Variants in NEK11 observed in about 807,000 individuals in gnomAD.
NEK11 encodes NIMA related kinase 11.
NEK11 carries 72 observed loss-of-function variants against 80.7 expected under a neutral mutation model. That is an observed-to-expected ratio of 0.89 (90% confidence interval 0.74 to 1.08). The LOEUF (loss-of-function observed/expected upper bound fraction) is 1.08, where lower values mean the gene tolerates loss of function less well. NEK11 is among the 50% of genes least tolerant of loss of function. NEK11 has a pLI of 0.00. For missense variants in NEK11, 764 were observed against 763.6 expected, an observed-to-expected ratio of 1.00 and a Z score of -0.01; for synonymous variants, 251 against 260.7, an observed-to-expected ratio of 0.96 and a Z score of 0.36.
chr3:131,046,973 A>G (rs2067495546), intron 3 of NEK11, among the ~76,000 whole-genome samples: 1 of 152,094 alleles, frequency 6.6e-6, no homozygotes. Flanking sequence ...AACCTCTTGG[A>G]GGCTTTTTAA....
intron 7 of NEK11, among the ~76,000 whole-genome samples, chr3:131,143,587 GT>G (rs1199863131): frequency 1.3e-5 from 2 of 151,170 alleles, no homozygotes; most frequent in Non-Finnish European, 3.0e-5. Flanking sequence ...TGTATCTACT[GT>G]TTCCCCCCAA....
At chr3:131,296,982 G>C (rs2096600927) in intron 17 of NEK11, among the ~76,000 whole-genome samples, 1 of 152,170 alleles carries the variant, frequency 6.6e-6, no homozygotes, top group Admixed American at 6.5e-5. Flanking sequence ...CCCTACAAAG[G>C]AAATGAACTC....
At chr3:131,288,777 T>A (rs896104628) in intron 17 of NEK11, among the ~76,000 whole-genome samples, 1 of 152,178 alleles carries the variant, frequency 6.6e-6, no homozygotes. Context: ...TCTGTGTTAA[T>A]CTTACTCTTA....
At chr3:131,195,658 T>G (rs895726222) in intron 14 of NEK11, among the ~76,000 whole-genome samples, 1 of 151,988 alleles carries the variant, frequency 6.6e-6, no homozygotes, top group African/African-American at 2.4e-5. Context: ...GGGACCTCCA[T>G]AGATGATGTG....
At chr3:131,127,379 A>G (rs1229733838) in intron 5 of NEK11, among the ~76,000 whole-genome samples, 1 of 152,104 alleles carries the variant, frequency 6.6e-6, no homozygotes, top group East Asian at 1.9e-4. Flanking sequence ...GATTTCAAAC[A>G]TATGCACTAA....
intron 16 of NEK11, among the ~76,000 whole-genome samples, chr3:131,243,827 G>A (rs1487507023): frequency 1.3e-5 from 2 of 152,068 alleles, no homozygotes; most frequent in Non-Finnish European, 2.9e-5. Context: ...TCTTTTAGAA[G>A]CAGAGAGCAC....
At chr3:131,053,585 A>C (rs2068819029) in intron 3 of NEK11, 1 of 152,196 alleles carries the variant, frequency 6.6e-6, no homozygotes, top group Non-Finnish European at 1.5e-5. Context: ...AACCAAACTT[A>C]ACTCTCCAGT....
intron 14 of NEK11, among the ~76,000 whole-genome samples, chr3:131,198,002 G>A (rs1458731896): frequency 6.6e-6 from 1 of 152,114 alleles, no homozygotes; most frequent in East Asian, 1.9e-4. Context: ...TGTTTGATAG[G>A]TGTTCCCTCG....
Position 131,175,403 on chromosome 3 carries a change from T to C in NEK11, c.1399+4516T>C, listed in dbSNP as rs80068481. Among the ~76,000 whole-genome samples the C allele has an allele frequency of 4.9e-3, 750 of 152,344 alleles. 11 individuals carry two copies. Among genetic ancestry groups the C allele is most frequent in the African/African-American group, 0.017 (714 of 41,580 alleles). ...ATTTGTAGTTTGTTGATGGAATATA[T>C]ACTCTTTGACACTGAAAAGGAACAC... On this transcript the variant is annotated intron_variant, in intron 14 of 17. Transcript: ENST00000383366.
chr3:131,273,487 C>T lies in NEK11; in HGVS notation c.1631C>T (p.Thr544Ile). 6.2e-7 allele frequency: 1 copy of T among 1,613,646 alleles called. No homozygotes were observed. The highest frequency in any genetic ancestry group is 8.5e-7 in the Non-Finnish European group (1 of 1,179,594). Reference sequence around the variant, plus strand: ...GTGCATTGATTTTCAGACACAAAGACCATCACCACCATGGCTGAAGACATG... The same window carrying T: ...GTGCATTGATTTTCAGACACAAAGATCATCACCACCATGGCTGAAGACATG... ...VLGCTSLDTK[T>I]ITTMAEDMSP... is the part of the protein sequence containing the mutation. Residue 544 changes from threonine to isoleucine, a missense_variant, in exon 17 of 18, where the codon ACC becomes ATC. Physicochemically the swap from Thr to Ile is moderately conservative, Grantham distance 89. Transcript: ENST00000383366.
At chr3:131,335,528 A>C (rs1334546914) in intron 17 of NEK11, among the ~76,000 whole-genome samples, 3 of 152,196 alleles carry the variant, frequency 2.0e-5, no homozygotes, top group Non-Finnish European at 4.4e-5. Flanking sequence ...ATGGGCAAAA[A>C]CTGGAAGCAT....
chr3:131,330,488 A>C (rs1184429765), intron 17 of NEK11: 2 of 152,240 alleles, frequency 1.3e-5, no homozygotes, highest in Non-Finnish European at 2.9e-5. Flanking sequence ...GGACAGAAGA[A>C]GTCTAGGGAT....
intron 16 of NEK11, among the ~76,000 whole-genome samples, 199 bp from the exon 17 acceptor site, chr3:131,273,279 A>G (rs561084194): frequency 6.6e-6 from 1 of 152,328 alleles, no homozygotes; most frequent in South Asian, 2.1e-4. Context: ...TACCTTGTGC[A>G]TATTAAAACT....
rs186952290 is a variant in NEK11, at chr3:131,161,357, A to T, written c.963-1051A>T. Reference sequence around the variant, plus strand: ...ATATATACCTAAAGGAATATAAATCATTCTATCATAAAGACACATGCACGC... The same window carrying T: ...ATATATACCTAAAGGAATATAAATCTTTCTATCATAAAGACACATGCACGC... On this transcript the variant is annotated intron_variant, in intron 10 of 17. Transcript: ENST00000383366. 1.6e-4 allele frequency among the ~76,000 whole-genome samples: 25 copies of T among 152,300 alleles called. 1 individual carries two copies. The highest frequency in any genetic ancestry group is 1.6e-3 in the Admixed American group (25 of 15,302).
chr3:131,050,867 A>C (rs1360607219), intron 3 of NEK11, among the ~76,000 whole-genome samples: 5 of 24,266 alleles, frequency 2.1e-4, no homozygotes, highest in African/African-American at 7.6e-4. Context: ...TGTCTTTACA[A>C]ATAGTAATAA....
At chr3:131,140,683 G>C (rs1341567891) in intron 7 of NEK11, among the ~76,000 whole-genome samples, 1 of 152,144 alleles carries the variant, frequency 6.6e-6, no homozygotes, top group African/African-American at 2.4e-5. Context: ...TATGTCAAAA[G>C]GCTCAATAAA....
chr3:131,262,445 A>G (rs1037237106), intron 16 of NEK11, among the ~76,000 whole-genome samples: 2 of 152,204 alleles, frequency 1.3e-5, no homozygotes, highest in Non-Finnish European at 2.9e-5. Context: ...GATTTTCTAT[A>G]TACAAAATCA....
chr3:131,176,879 T>C (rs1167763230), intron 14 of NEK11, among the ~76,000 whole-genome samples: 1 of 152,178 alleles, frequency 6.6e-6, no homozygotes, highest in African/African-American at 2.4e-5. Context: ...ATAGTAGTTA[T>C]TATACTAAAG....
chr3:131,246,174 G>A (rs1242982518), intron 16 of NEK11, among the ~76,000 whole-genome samples: 1 of 152,020 alleles, frequency 6.6e-6, no homozygotes, highest in Non-Finnish European at 1.5e-5. Context: ...TTCTTTAATG[G>A]CAATTTATGA....
Sources: gnomAD v4.1 joint callset for allele counts (sites outside exome capture counted in the v4.1 genomes callset) on GRCh38, gnomAD v4.1.1 for gene constraint, MANE v1.5 for transcripts, NCBI Gene and HGNC (gene_info 2026-07-23, HGNC 2026-07-21) for gene names.